The following HYDIN variants were observed in gnomAD, a reference collection of about 807,000 sequenced individuals.
HYDIN encodes the protein HYDIN axonemal central pair apparatus protein.
In HYDIN, 132 loss-of-function variants were observed where a neutral mutation model predicts 403.9. The ratio of observed to expected loss-of-function variants is 0.33; its 90% CI spans 0.28 to 0.38. The LOEUF (loss-of-function observed/expected upper bound fraction) is 0.38. Ranked by LOEUF, HYDIN falls within the 10% of genes least tolerant of loss-of-function variation. The pLI is 1.00. For synonymous variants in HYDIN, 1,202 were observed against 1,891.7 expected, an observed-to-expected ratio of 0.64 and a Z score of 9.46; for missense variants, 2,827 against 5,009.5, an observed-to-expected ratio of 0.56 and a Z score of 13.15.
intron 13 of HYDIN, among the ~76,000 whole-genome samples, chr16:71,073,225 G>A (rs7500838): frequency 3.9e-5 from 6 of 151,988 alleles, no homozygotes; most frequent in African/African-American, 7.3e-5. Flanking sequence ...TCTCCCTTGC[G>A]TACTTTTGTT....
intron 1 of HYDIN, 113 bp downstream of exon 1, chr16:71,230,449 T>G: frequency 7.7e-7 from 1 of 1,300,932 alleles, no homozygotes; most frequent in Non-Finnish European, 1.0e-6. Flanking sequence ...GTCTGGAAAG[T>G]CTGGAGAACG....
At chr16:71,224,971 T>G (rs1244153145) in intron 1 of HYDIN, among the ~76,000 whole-genome samples, 1 of 152,218 alleles carries the variant, frequency 6.6e-6, no homozygotes, top group Non-Finnish European at 1.5e-5. Flanking sequence ...GGACATTTGC[T>G]AATTCTAGGC....
At chr16:70,967,513 G>A (rs902286122) in intron 36 of HYDIN, among the ~76,000 whole-genome samples, 2 of 150,108 alleles carry the variant, frequency 1.3e-5, no homozygotes, top group Admixed American at 6.6e-5. Flanking sequence ...ACAGAGTCTC[G>A]CTCTGTCGCC....
intron 18 of HYDIN, among the ~76,000 whole-genome samples, chr16:71,059,649 A>G (rs954603296): frequency 2.6e-5 from 4 of 152,170 alleles, no homozygotes; most frequent in African/African-American, 9.7e-5. Context: ...GATGGGAGGA[A>G]GAGAGAATAT....
intron 1 of HYDIN, among the ~76,000 whole-genome samples, chr16:71,226,459 A>T (rs2041037380): frequency 1.3e-5 from 2 of 152,226 alleles, no homozygotes; most frequent in African/African-American, 4.8e-5. Context: ...CCTACATGTG[A>T]AACCCAAAGC....
chr16:70,880,724 T>C lies in HYDIN; in HGVS notation c.10216-968A>G, dbSNP rs2040744817. 3.3e-5 allele frequency among the ~76,000 whole-genome samples: 5 copies of C among 152,306 alleles called. No homozygotes were observed. In the South Asian group the frequency reaches 1.0e-3, roughly 32 times the overall value. Reference sequence around the variant, plus strand: ...CCAACTTGTGGCAGTGTTTTGGGACTGTAGGGAGCCCTGGCATGGCCTTAA... The same window carrying C: ...CCAACTTGTGGCAGTGTTTTGGGACCGTAGGGAGCCCTGGCATGGCCTTAA... On this transcript the variant is annotated intron_variant, in intron 60 of 85. Coordinates refer to ENST00000393567, the MANE Select transcript of HYDIN (RefSeq NM_001270974.2).
intron 36 of HYDIN, among the ~76,000 whole-genome samples, chr16:70,968,951 T>C (rs1206866270): frequency 6.6e-6 from 1 of 151,236 alleles, no homozygotes; most frequent in Admixed American, 6.6e-5. Flanking sequence ...AAACACAAGA[T>C]ATAAAAAAGA....
At chr16:70,902,821 A>ATATATATATATTTT in intron 52 of HYDIN, among the ~76,000 whole-genome samples, 1 of 47,314 alleles carries the variant, frequency 2.1e-5, no homozygotes, top group Non-Finnish European at 3.6e-5. Flanking sequence ...ATATATATAT[A>ATATATATATATTTT]TTTTTTTTTT....
At chr16:70,895,857 T>G in intron 54 of HYDIN, 124 bp downstream of exon 54, 1 of 1,410,740 alleles carries the variant, frequency 7.1e-7, no homozygotes, top group Non-Finnish European at 9.3e-7. Context: ...CATTATTATT[T>G]ATTAAAATTG....
chr16:70,972,873 G>A (rs1774291), intron 35 of HYDIN, among the ~76,000 whole-genome samples: 7 of 148,638 alleles, frequency 4.7e-5, no homozygotes, highest in African/African-American at 1.8e-4. Flanking sequence ...TACAAATAAA[G>A]GTTAAATGGT....
intron 1 of HYDIN, among the ~76,000 whole-genome samples, chr16:71,211,017 TACAC>T (rs925826434): frequency 1.3e-5 from 2 of 151,726 alleles, no homozygotes; most frequent in Admixed American, 6.6e-5. Context: ...TAAGAAATAT[TACAC>T]ACACACACAG....
At chr16:71,220,545 A>C (rs1346639399) in intron 1 of HYDIN, among the ~76,000 whole-genome samples, 1 of 152,244 alleles carries the variant, frequency 6.6e-6, no homozygotes, top group Non-Finnish European at 1.5e-5. Flanking sequence ...ACTAGTCTGC[A>C]TGTATATATT....
chr16:70,858,997 T>C (rs1300069766), intron 71 of HYDIN, among the ~76,000 whole-genome samples: 2 of 151,084 alleles, frequency 1.3e-5, no homozygotes, highest in African/African-American at 4.9e-5. Flanking sequence ...AAAATAGGGC[T>C]TCACATAGAA....
At chr16:70,897,426 A>G (rs2076237665) in intron 53 of HYDIN, among the ~76,000 whole-genome samples, 1 of 152,096 alleles carries the variant, frequency 6.6e-6, no homozygotes, top group Non-Finnish European at 1.5e-5. Context: ...CAGAATTTCC[A>G]TCTTCTCTTT....
intron 84 of HYDIN, 125 bp from the exon 85 acceptor site, chr16:70,810,132 T>A: frequency 1.1e-6 from 1 of 875,290 alleles, no homozygotes; most frequent in Non-Finnish European, 1.8e-6. Flanking sequence ...ATGCTGTTCT[T>A]GCTCCTGGGG....
At chr16:71,065,545 T>C (rs2082236468) in intron 15 of HYDIN, among the ~76,000 whole-genome samples, 1 of 152,182 alleles carries the variant, frequency 6.6e-6, no homozygotes, top group South Asian at 2.1e-4. Context: ...ATTGCTTCAG[T>C]ATAGTGCAAT....
intron 20 of HYDIN, among the ~76,000 whole-genome samples, chr16:71,025,870 T>C (rs189104689): frequency 1.6e-4 from 25 of 152,326 alleles, no homozygotes; most frequent in African/African-American, 5.8e-4. Flanking sequence ...TAATAAACTA[T>C]TGAAAACTGT....
intron 45 of HYDIN, among the ~76,000 whole-genome samples, chr16:70,932,674 T>C (rs1461390416): frequency 6.6e-6 from 1 of 152,246 alleles, no homozygotes; most frequent in Non-Finnish European, 1.5e-5. Flanking sequence ...GGGAAGGCCT[T>C]GCTGGGATGT....
intron 1 of HYDIN, among the ~76,000 whole-genome samples, chr16:71,225,723 C>G (rs1022409346): frequency 2.0e-5 from 3 of 151,760 alleles, no homozygotes; most frequent in African/African-American, 7.3e-5. Flanking sequence ...CACAGTTCTC[C>G]CCACCAAGAC....
Sources: gnomAD v4.1 joint callset for allele counts (sites outside exome capture counted in the v4.1 genomes callset) on GRCh38, gnomAD v4.1.1 for gene constraint, MANE v1.5 for transcripts, NCBI Gene and HGNC (gene_info 2026-07-23, HGNC 2026-07-21) for gene names.